Variants in SLCO5A1 observed in about 807,000 individuals in gnomAD.
The protein encoded by SLCO5A1 is organic anion transporter polypeptide-related protein 4.
In SLCO5A1, 39 loss-of-function variants were observed where a neutral mutation model predicts 65.1. That is an observed-to-expected ratio of 0.60 (90% CI 0.46 to 0.78). The LOEUF (loss-of-function observed/expected upper bound fraction) is 0.78, where lower values mean the gene tolerates loss of function less well. SLCO5A1 is among the 30% of genes least tolerant of loss of function. SLCO5A1 has a pLI of 0.00. For missense variants in SLCO5A1, 1,029 were observed against 1,069.4 expected (o/e 0.96, Z 0.53); for synonymous variants, 438 against 415.7 (o/e 1.05, Z -0.65).
At chr8:69,800,349 G>A (rs887745271) in intron 2 of SLCO5A1, among the ~76,000 whole-genome samples, 2 of 149,328 alleles carry the variant, frequency 1.3e-5, no homozygotes, top group African/African-American at 5.0e-5. Context: ...GACCTCCCAG[G>A]AGGAGGAGGA....
At chr8:69,710,609 A>G (rs148247127) in intron 5 of SLCO5A1, among the ~76,000 whole-genome samples, 36 of 152,298 alleles carry the variant, frequency 2.4e-4, no homozygotes, top group Admixed American at 8.5e-4. Flanking sequence ...TTTATTCATA[A>G]AATTTCAATT....
chr8:69,678,331 C>G (rs1206515510), intron 8 of SLCO5A1, among the ~76,000 whole-genome samples: 2 of 152,096 alleles, frequency 1.3e-5, no homozygotes, highest in Non-Finnish European at 2.9e-5. Flanking sequence ...AAGGAACTCC[C>G]CAAACCTCCG....
chr8:69,695,897 A>G (rs190758097), intron 6 of SLCO5A1, among the ~76,000 whole-genome samples: 97 of 152,352 alleles, frequency 6.4e-4, no homozygotes, highest in African/African-American at 2.3e-3. Flanking sequence ...GCTAAGAAAA[A>G]CAAGACCAGG....
rs1821229533 is a variant in SLCO5A1 at position 69,832,745 on chromosome 8, G to A, written c.-72C>T. On this transcript the variant is annotated 5_prime_UTR_variant, in exon 2 of 10. Coordinates refer to ENST00000260126, the MANE Select transcript of SLCO5A1 (RefSeq NM_030958.3). This position sits in a 1 kb window ranked among gnomAD's most constrained non-coding sequence, Gnocchi z 4.5. ...GGCACGTTTCATCCACCGGCACGAG[G>A]GGCCGAAGCCGGGCCCAGTCAGTCT... 2.7e-6 allele frequency: 4 copies of A among 1,503,364 alleles called. No individual in the cohort carries two copies. The highest frequency in any genetic ancestry group is 2.7e-6 in the Non-Finnish European group (3 of 1,130,068). 93.1% of individuals were successfully genotyped at this position (1,503,364 alleles called of 1,614,324 possible).
At chr8:69,706,329 A>G (rs1814966999) in intron 5 of SLCO5A1, among the ~76,000 whole-genome samples, 2 of 152,246 alleles carry the variant, frequency 1.3e-5, no homozygotes, top group African/African-American at 4.8e-5. Flanking sequence ...AGAGGGATTC[A>G]TGGTATAAGG....
At chr8:69,772,323 C>T (rs537311979) in intron 2 of SLCO5A1, among the ~76,000 whole-genome samples, 2 of 151,808 alleles carry the variant, frequency 1.3e-5, no homozygotes, top group Non-Finnish European at 2.9e-5. Context: ...GAGTTCAAGA[C>T]CACCCTGGGC....
chr8:69,784,893 A>G, intron 2 of SLCO5A1, among the ~76,000 whole-genome samples: 1 of 121,296 alleles, frequency 8.2e-6, no homozygotes, highest in East Asian at 2.3e-4. Flanking sequence ...GAAAGAAGAA[A>G]GGAAGAAAGA....
At chr8:69,755,345 C>G in intron 4 of SLCO5A1, 79 bp downstream of exon 4, 1 of 1,173,712 alleles carries the variant, frequency 8.5e-7, no homozygotes, top group Non-Finnish European at 1.2e-6. Flanking sequence ...AGTGGGTAGA[C>G]AGCATGGGCC....
At position 69,739,322 on chromosome 8, in the gene SLCO5A1, C is replaced by A. The variant is rs370891295; in HGVS notation, c.1259-1118G>T. On this transcript the variant is annotated intron_variant, in intron 4 of 9. Coordinates refer to ENST00000260126, the MANE Select transcript of SLCO5A1 (RefSeq NM_030958.3). The stretch of plus-strand genomic sequence containing the variant: ...TTAGAAAGTTAAGATTACCTATCCA[C>A]ATTTAAAGATTCAAATTAAGCTTAG... Among the ~76,000 whole-genome samples the A allele has an allele frequency of 2.0e-5, 3 of 152,194 alleles. No homozygotes were observed. The East Asian group carries it at 5.8e-4, about 29-fold the overall frequency.
At chr8:69,729,873 C>T (rs1348165927) in intron 5 of SLCO5A1, among the ~76,000 whole-genome samples, 1 of 152,136 alleles carries the variant, frequency 6.6e-6, no homozygotes, top group Non-Finnish European at 1.5e-5. Context: ...CCTCTCTTCG[C>T]GGGTGGGATT....
chr8:69,796,487 A>G (rs1396454400), intron 2 of SLCO5A1, among the ~76,000 whole-genome samples: 1 of 151,944 alleles, frequency 6.6e-6, no homozygotes, highest in Non-Finnish European at 1.5e-5. Flanking sequence ...GTGGTGGCAT[A>G]TGCCTATAAA....
chr8:69,824,613 G>T (rs1344879010), intron 2 of SLCO5A1, among the ~76,000 whole-genome samples: 4 of 152,110 alleles, frequency 2.6e-5, no homozygotes, highest in Non-Finnish European at 4.4e-5. Context: ...AATAACAGGA[G>T]CTGAAATTGT....
intron 3 of SLCO5A1, among the ~76,000 whole-genome samples, chr8:69,756,647 A>G (rs1380895347): frequency 6.6e-6 from 1 of 152,256 alleles, no homozygotes; most frequent in Non-Finnish European, 1.5e-5. Flanking sequence ...GGGGAAATTA[A>G]TGTGTATCGG....
chr8:69,777,667 C>T (rs1419927870), intron 2 of SLCO5A1, among the ~76,000 whole-genome samples: 2 of 152,172 alleles, frequency 1.3e-5, no homozygotes, highest in Non-Finnish European at 2.9e-5. Context: ...TTCTGAGTAG[C>T]CTGGTGAAAT....
At chr8:69,799,848 T>A (rs1311633875) in intron 2 of SLCO5A1, among the ~76,000 whole-genome samples, 1 of 152,200 alleles carries the variant, frequency 6.6e-6, no homozygotes, top group Non-Finnish European at 1.5e-5. Context: ...CATGTGGGGA[T>A]TAGGGGAACT....
At chr8:69,778,388 A>G (rs989796156) in intron 2 of SLCO5A1, among the ~76,000 whole-genome samples, 1 of 152,048 alleles carries the variant, frequency 6.6e-6, no homozygotes, top group South Asian at 2.1e-4. Context: ...TGGTTGCACA[A>G]CTCTATACAT....
chr8:69,761,970 G>A, intron 2 of SLCO5A1, 95 bp from the exon 3 acceptor site: 5 of 1,445,996 alleles, frequency 3.5e-6, no homozygotes, highest in Non-Finnish European at 4.7e-6. Context: ...ACATCTCACA[G>A]TTCAATCCAG....
chr8:69,829,868 C>A (rs1285415156), intron 2 of SLCO5A1, among the ~76,000 whole-genome samples: 1 of 152,178 alleles, frequency 6.6e-6, no homozygotes, highest in African/African-American at 2.4e-5. Flanking sequence ...GAAGGCTTAG[C>A]CTCCCATCTC....
intron 2 of SLCO5A1, among the ~76,000 whole-genome samples, chr8:69,796,639 TAC>T (rs1277822363): frequency 6.7e-6 from 1 of 149,714 alleles, no homozygotes; most frequent in African/African-American, 2.5e-5. Context: ...TATATATATA[TAC>T]ACACACACAT....
Sources: gnomAD v4.1 joint callset for allele counts (sites outside exome capture counted in the v4.1 genomes callset) on GRCh38, gnomAD v4.1.1 for gene constraint, Gnocchi (gnomAD v3.1) non-coding constraint, MANE v1.5 for transcripts, NCBI Gene and HGNC (gene_info 2026-07-23, HGNC 2026-07-21) for gene names.